The following MYT1L variants were observed in gnomAD, a reference collection of about 807,000 sequenced individuals.
The protein encoded by MYT1L is myelin transcription factor 1-like protein.
A neutral mutation model predicts 126.7 loss-of-function variants in MYT1L; 12 were observed. The observed-to-expected ratio is 0.09, with a 90% CI of 0.06 to 0.15. The LOEUF (loss-of-function observed/expected upper bound fraction) is 0.15. MYT1L is among the 10% of genes least tolerant of loss of function. The pLI is 1.00. For synonymous variants in MYT1L, 541 were observed against 604.2 expected (o/e 0.90, Z 1.53); for missense variants, 979 against 1,585.2 (o/e 0.62, Z 6.49).
intron 1 of MYT1L, among the ~76,000 whole-genome samples, chr2:2,322,222 G>A (rs937952983): frequency 4.6e-5 from 7 of 150,770 alleles, no homozygotes; most frequent in South Asian, 2.1e-4. Flanking sequence ...CTATGGCTTC[G>A]GTGAGCAGAG....
chr2:1,821,073 C>T (rs900445071), intron 21 of MYT1L, among the ~76,000 whole-genome samples: 2 of 152,168 alleles, frequency 1.3e-5, no homozygotes, highest in Non-Finnish European at 2.9e-5. Flanking sequence ...TGTGATGAAC[C>T]CGTCCATATA....
At chr2:1,819,546 ACTC>A (rs1422720403) in intron 21 of MYT1L, among the ~76,000 whole-genome samples, 6 of 151,136 alleles carry the variant, frequency 4.0e-5, no homozygotes. Flanking sequence ...CTCACCCTCC[ACTC>A]CTCCTCCTGC....
chr2:2,266,973 T>C (rs1314250940), intron 2 of MYT1L, among the ~76,000 whole-genome samples: 3 of 152,176 alleles, frequency 2.0e-5, no homozygotes, highest in Admixed American at 6.5e-5. Context: ...GTTAGCAGCA[T>C]GAGAACAGAC....
At chr2:2,244,381 A>G (rs1430084537) in intron 2 of MYT1L, among the ~76,000 whole-genome samples, 1 of 152,222 alleles carries the variant, frequency 6.6e-6, no homozygotes, top group Non-Finnish European at 1.5e-5. Context: ...TCATAAATAA[A>G]AAATGATAAA....
chr2:1,839,231 C>T lies in MYT1L; in HGVS notation c.2998G>A (p.Val1000Ile), dbSNP rs1558711358. The T allele has an allele frequency of 6.2e-7, 1 of 1,613,692 alleles. No homozygotes were observed. Among genetic ancestry groups the T allele is most frequent in the Admixed American group, 1.7e-5 (1 of 60,034 alleles). The change falls in exon 21 of 25, where the codon GTC becomes ATC. Residue 1000 changes from valine (V) to isoleucine (I), a missense_variant. Coordinates refer to ENST00000647738, the MANE Select transcript of MYT1L (RefSeq NM_001303052.2). The part of the protein sequence containing the change: ...LNGSQFSWKS[V>I]KTEGMSCPTP... ...GGGCAGGACATGCCTTCCGTCTTGA[C>T]CGACTTCCAGGAGAACTGGGAGCCA...
At chr2:2,025,637 C>T (rs979634454) in intron 4 of MYT1L, among the ~76,000 whole-genome samples, 3 of 152,160 alleles carry the variant, frequency 2.0e-5, no homozygotes, top group African/African-American at 7.2e-5. Context: ...GACATCAATA[C>T]GCCCAAGTCT....
chr2:1,973,650 AC>A (rs1485383921), intron 8 of MYT1L, among the ~76,000 whole-genome samples: 1 of 152,232 alleles, frequency 6.6e-6, no homozygotes, highest in African/African-American at 2.4e-5. Flanking sequence ...GCCCCACTAA[AC>A]AATCACCTAC....
chr2:2,122,811 T>C (rs1302839464), intron 3 of MYT1L, among the ~76,000 whole-genome samples: 1 of 149,884 alleles, frequency 6.7e-6, no homozygotes, highest in Non-Finnish European at 1.5e-5. Flanking sequence ...TTGTACAGAA[T>C]TGTGGAACTG....
intron 2 of MYT1L, among the ~76,000 whole-genome samples, chr2:2,264,747 C>G (rs1288962153): frequency 6.6e-6 from 1 of 152,216 alleles, no homozygotes; most frequent in East Asian, 1.9e-4. Context: ...AAGCTGAGTC[C>G]AAGCGGCCAC....
chr2:1,978,789 G>A (rs958109369), intron 8 of MYT1L, among the ~76,000 whole-genome samples: 11 of 152,172 alleles, frequency 7.2e-5, no homozygotes, highest in South Asian at 2.1e-4. Flanking sequence ...TTAATTGACC[G>A]TTCATTGTTT....
At chr2:2,253,492 G>C (rs956926139) in intron 2 of MYT1L, among the ~76,000 whole-genome samples, 1 of 152,216 alleles carries the variant, frequency 6.6e-6, no homozygotes, top group Non-Finnish European at 1.5e-5. Flanking sequence ...TGCTCTATAG[G>C]GGGAAGGGGG....
chr2:1,791,791 A>G lies in MYT1L; in HGVS notation c.*76T>C. 1 of 1,324,728 alleles carries G rather than the reference A, an allele frequency of 7.5e-7. No individual in the cohort carries two copies. The highest frequency in any genetic ancestry group is 1.0e-6 in the Non-Finnish European group (1 of 983,774). 82.1% of individuals were successfully genotyped at this position (1,324,728 alleles called of 1,614,324 possible). Reference sequence around the variant, plus strand: ...ATTCAAACAGAAATAAATATAGAACACTTTCTGGTAAGTTACAGCAGCAAA... The same window carrying G: ...ATTCAAACAGAAATAAATATAGAACGCTTTCTGGTAAGTTACAGCAGCAAA... On this transcript the variant is annotated 3_prime_UTR_variant, in exon 25 of 25. Coordinates refer to ENST00000647738, the MANE Select transcript of MYT1L (RefSeq NM_001303052.2). This position sits in a 1 kb window ranked among gnomAD's most constrained non-coding sequence, Gnocchi z 6.0.
chr2:1,906,664 ATT>A (rs911689602), intron 13 of MYT1L, among the ~76,000 whole-genome samples: 1 of 152,120 alleles, frequency 6.6e-6, no homozygotes, highest in Non-Finnish European at 1.5e-5. Flanking sequence ...AATTTAGCCG[ATT>A]TACTTCTTGT....
Position 1,867,548 on chromosome 2 carries a change from AG to A in MYT1L, c.2712-15846del, listed in dbSNP as rs542051627. Among the ~76,000 whole-genome samples the A allele has an allele frequency of 1.9e-3, 285 of 152,264 alleles. 3 individuals carry two copies. Among genetic ancestry groups the A allele is most frequent in the Middle Eastern group, 6.9e-3 (2 of 290 alleles). On this transcript the variant is annotated intron_variant, in intron 18 of 24. Transcript: ENST00000647738. ...TGGGGAGAGGAAGCTCATCTGTCAG[AG>A]GAGGATTAGGAGAAAGTCAAGTCAG...
chr2:2,048,273 T>G (rs187766684), intron 4 of MYT1L, among the ~76,000 whole-genome samples: 28 of 152,328 alleles, frequency 1.8e-4, no homozygotes, highest in African/African-American at 6.5e-4. Context: ...AAAAGAATTC[T>G]GATGAGGTCA....
intron 12 of MYT1L, among the ~76,000 whole-genome samples, chr2:1,911,059 T>C (rs1346466925): frequency 6.6e-6 from 1 of 152,158 alleles, no homozygotes; most frequent in African/African-American, 2.4e-5. Flanking sequence ...ATATGTGTCA[T>C]ATCCCAAAAA....
chr2:2,021,663 C>A (rs374529586), intron 4 of MYT1L, among the ~76,000 whole-genome samples: 24 of 152,272 alleles, frequency 1.6e-4, no homozygotes, highest in East Asian at 1.5e-3. Flanking sequence ...TTTGCGAGGC[C>A]AAGGCAGGCT....
rs186402609 is a variant in MYT1L at position 2,165,693 on chromosome 2, C to T, written c.-304+7179G>A. Among the ~76,000 whole-genome samples the T allele has an allele frequency of 3.5e-3, 530 of 152,088 alleles. 3 individuals carry two copies. Among genetic ancestry groups the T allele is most frequent in the Non-Finnish European group, 4.3e-3 (292 of 67,982 alleles). On this transcript the variant is annotated intron_variant, in intron 3 of 24. Transcript: ENST00000647738. The stretch of plus-strand genomic sequence containing the variant: ...TTCCACAATTGCTGCTGTTTTCTCA[C>T]GTTGTCATCTCATAGCTGTTTCTTG...
At chr2:1,958,059 G>A (rs2058654885) in intron 8 of MYT1L, among the ~76,000 whole-genome samples, 1 of 152,160 alleles carries the variant, frequency 6.6e-6, no homozygotes, top group Non-Finnish European at 1.5e-5. Flanking sequence ...CGTTTTTGCT[G>A]GAGTGTCTTC....
Sources: gnomAD v4.1 joint callset for allele counts (sites outside exome capture counted in the v4.1 genomes callset) on GRCh38, gnomAD v4.1.1 for gene constraint, Gnocchi (gnomAD v3.1) non-coding constraint, MANE v1.5 for transcripts, NCBI Gene and HGNC (gene_info 2026-07-23, HGNC 2026-07-21) for gene names.